Variants in GABRR2 observed in about 807,000 individuals in gnomAD.
GABRR2 encodes gamma-aminobutyric acid type A receptor subunit rho2.
GABRR2 carries 36 observed loss-of-function variants against 47.0 expected under a neutral mutation model. That is an observed-to-expected ratio of 0.77 (90% CI 0.59 to 1.01). The LOEUF is 1.01. Among genes scored for constraint, GABRR2 ranks in the 50% least tolerant of loss-of-function variants. GABRR2 has a pLI of 0.00. For missense variants in GABRR2, 587 were observed against 594.6 expected, an observed-to-expected ratio of 0.99 and a Z score of 0.13; for synonymous variants, 204 against 227.5, an observed-to-expected ratio of 0.90 and a Z score of 0.93.
At chr6:89,263,819 G>A (rs947704693) in intron 8 of GABRR2, among the ~76,000 whole-genome samples, 9 of 152,128 alleles carry the variant, frequency 5.9e-5, no homozygotes, top group African/African-American at 9.7e-5. Flanking sequence ...CACCACGCCC[G>A]GCAGATAGTA....
intron 3 of GABRR2, among the ~76,000 whole-genome samples, chr6:89,269,661 C>A (rs759173912): frequency 6.6e-6 from 1 of 152,232 alleles, no homozygotes; most frequent in African/African-American, 2.4e-5. Context: ...TAGGAGGATT[C>A]TTGCCGTTAG....
At chr6:89,288,246 A>G (rs1470483595) in intron 2 of GABRR2, among the ~76,000 whole-genome samples, 1 of 151,970 alleles carries the variant, frequency 6.6e-6, no homozygotes, top group Non-Finnish European at 1.5e-5. Flanking sequence ...ACCAATGGGG[A>G]AAAGCATCTG....
intron 2 of GABRR2, among the ~76,000 whole-genome samples, chr6:89,275,804 A>AT (rs1180360084): frequency 6.6e-6 from 1 of 152,130 alleles, no homozygotes; most frequent in Non-Finnish European, 1.5e-5. Context: ...TACTTCATAT[A>AT]TTGTACATCC....
intron 2 of GABRR2, among the ~76,000 whole-genome samples, chr6:89,285,086 T>C (rs1774310844): frequency 1.3e-5 from 2 of 152,160 alleles, no homozygotes; most frequent in Admixed American, 6.5e-5. Context: ...CTTAATTGTG[T>C]GGGGAAACAT....
Position 89,267,817 on chromosome 6 carries a change from C to A in GABRR2, c.598G>T (p.Ala200Ser), listed in dbSNP as rs1386222762. ...AGCATTAGATCTTCATCTGTATAGGCATCTTTGGGAAGAGGAAAACAAGTT... is the reference window on the plus strand; with the variant it reads ...AGCATTAGATCTTCATCTGTATAGGAATCTTTGGGAAGAGGAAAACAAGTT... ...QTCSLELESYAYTDEDLMLYW... is the reference protein window; with the variant it reads ...QTCSLELESYSYTDEDLMLYW... Residue 200 changes from alanine (A) to serine (S), a missense_variant and splice_region_variant, in exon 6 of 9, where the codon GCC becomes TCC. By Grantham distance (99) the Ala-to-Ser change is moderately conservative. Transcript: ENST00000402938. 5.0e-6 allele frequency: 8 copies of A among 1,610,102 alleles called. No homozygotes were observed. The highest frequency in any genetic ancestry group is 5.1e-6 in the Non-Finnish European group (6 of 1,178,080).
intron 2 of GABRR2, among the ~76,000 whole-genome samples, chr6:89,274,879 T>A (rs768556823): frequency 2.0e-5 from 3 of 151,802 alleles, no homozygotes; most frequent in Non-Finnish European, 4.4e-5. Flanking sequence ...AAATAAATAA[T>A]TTTTAAAAAA....
At chr6:89,265,514 A>G in intron 7 of GABRR2, 99 bp downstream of exon 7, 1 of 1,323,700 alleles carries the variant, frequency 7.6e-7, no homozygotes, top group East Asian at 2.4e-5. Flanking sequence ...CTAACAGCTC[A>G]TCAGTTAAGA....
Position 89,315,209 on chromosome 6 carries a change from G to A in GABRR2, c.-44C>T. The A allele has an allele frequency of 1.2e-6, 2 of 1,612,702 alleles. No individual in the cohort carries two copies. Among genetic ancestry groups the A allele is most frequent in the Non-Finnish European group, 1.7e-6 (2 of 1,179,158 alleles). On this transcript the variant is annotated 5_prime_UTR_variant, in exon 1 of 9. The change creates a premature stop within an existing upstream ORF in the 5' untranslated region. Transcript: ENST00000402938. Reference sequence around the variant, plus strand: ...GCAAAAAGCTGCTTTCCAGTAGCCTGTGGCAGAGCAAATCCCCCCTGGCTT... The same window carrying A: ...GCAAAAAGCTGCTTTCCAGTAGCCTATGGCAGAGCAAATCCCCCCTGGCTT...
At chr6:89,271,239 T>C (rs1774042814) in intron 3 of GABRR2, among the ~76,000 whole-genome samples, 1 of 151,540 alleles carries the variant, frequency 6.6e-6, no homozygotes, top group Non-Finnish European at 1.5e-5. Flanking sequence ...AGACATGGAG[T>C]GGGGGACACT....
In GABRR2 at chr6:89,255,350, T is replaced by C. The variant is rs1033775550; in HGVS notation, c.*2320A>G. On this transcript the variant is annotated 3_prime_UTR_variant, in exon 9 of 9. Transcript: ENST00000402938. Reference sequence around the variant, plus strand: ...CTACTCCAGGGCTGAGGCAGGAGAATTGCTTGAACCCGGGAGGCAGAGGTT... The same window carrying C: ...CTACTCCAGGGCTGAGGCAGGAGAACTGCTTGAACCCGGGAGGCAGAGGTT... Among the ~76,000 whole-genome samples, 4 of 152,126 alleles carry C rather than the reference T, an allele frequency of 2.6e-5. No individual in the cohort carries two copies. The highest frequency in any genetic ancestry group is 1.3e-4 in the Admixed American group (2 of 15,262).
At chr6:89,314,268 T>C (rs933486635) in intron 1 of GABRR2, among the ~76,000 whole-genome samples, 4 of 152,240 alleles carry the variant, frequency 2.6e-5, no homozygotes, top group Non-Finnish European at 4.4e-5. Flanking sequence ...AATAAATGTG[T>C]AACATGCCAC....
intron 1 of GABRR2, 74 bp from the exon 2 acceptor site, chr6:89,299,939 C>G: frequency 1.0e-6 from 1 of 973,470 alleles, no homozygotes; most frequent in Non-Finnish European, 1.7e-6. Context: ...GGCTATTACT[C>G]CCTGCAAGAT....
At chr6:89,302,533 G>A (rs1767473915) in intron 1 of GABRR2, 1 of 853,722 alleles carries the variant, frequency 1.2e-6, no homozygotes, top group African/African-American at 1.7e-5. Flanking sequence ...GCACAAGCTG[G>A]TGGTGAACAT....
chr6:89,271,764 C>T, intron 2 of GABRR2, 42 bp from the exon 3 acceptor site: 6 of 1,572,570 alleles, frequency 3.8e-6, no homozygotes, highest in Non-Finnish European at 4.3e-6. Context: ...ACCTTCCTCT[C>T]TACCTTTGGG....
chr6:89,301,660 AACC>A, intron 1 of GABRR2: 1 of 499,564 alleles, frequency 2.0e-6, no homozygotes, highest in Non-Finnish European at 3.7e-6. Context: ...GAATACAGCT[AACC>A]AGGGAGGTGA....
intron 2 of GABRR2, among the ~76,000 whole-genome samples, chr6:89,290,508 A>G (rs1045949025): frequency 2.0e-5 from 3 of 152,202 alleles, no homozygotes; most frequent in Non-Finnish European, 4.4e-5. Context: ...CTGTGTAGAC[A>G]GTGATTCTGG....
intron 1 of GABRR2, chr6:89,303,095 A>G: frequency 1.4e-6 from 1 of 700,830 alleles, no homozygotes; most frequent in South Asian, 1.5e-5. Context: ...GAGGAATTGG[A>G]GGCCCAGGGC....
Position 89,261,900 on chromosome 6 carries a change from G to A in GABRR2, c.1086+2512C>T, listed in dbSNP as rs182286279. Among the ~76,000 whole-genome samples the A allele has an allele frequency of 1.8e-4, 27 of 152,186 alleles. No individual in the cohort carries two copies. The East Asian group carries it at 5.0e-3, about 28-fold the overall frequency. ...TTAAAAATATAAAAACTAGCTGGGC[G>A]GGGTGGCGCATGCTTAAGGTCCCAG... On this transcript the variant is annotated intron_variant, in intron 8 of 8. Transcript: ENST00000402938.
chr6:89,257,680 A>G lies in GABRR2; in HGVS notation c.1388T>C (p.Val463Ala), dbSNP rs1204966464. Residue 463 changes from valine to alanine, a missense_variant, in exon 9 of 9, where the codon GTG becomes GCG. Coordinates refer to ENST00000402938, the MANE Select transcript of GABRR2 (RefSeq NM_002043.5). The stretch of plus-strand genomic sequence containing the variant: ...ACAGCCTTGGAGCCCCTAGGAAAAC[A>G]CTGACCAATAAATTAAGTTGAAAAA... ...YIFFNLIYWS[V>A]FS is the part of the protein sequence containing the mutation. 1 of 1,611,992 alleles carries G rather than the reference A, an allele frequency of 6.2e-7. No homozygotes were observed. Among genetic ancestry groups the G allele is most frequent in the African/African-American group, 1.3e-5 (1 of 74,836 alleles).
Sources: gnomAD v4.1 joint callset for allele counts (sites outside exome capture counted in the v4.1 genomes callset) on GRCh38, gnomAD v4.1.1 for gene constraint, MANE v1.5 for transcripts, NCBI Gene and HGNC (gene_info 2026-07-23, HGNC 2026-07-21) for gene names.